The following ARK2N variants were observed in gnomAD, a reference collection of about 807,000 sequenced individuals.
The protein encoded by ARK2N is protein ARK2N.
chr18:46,215,991 G>A, the ARK2N span: 1 of 1,614,060 alleles, frequency 6.2e-7, no homozygotes, highest in Non-Finnish European at 8.5e-7. Context: ...CTGTAGAACT[G>A]GAATCTCAAG....
the ARK2N span, among the ~76,000 whole-genome samples, chr18:46,243,648 C>T: frequency 6.6e-6 from 1 of 152,174 alleles, no homozygotes; most frequent in East Asian, 1.9e-4. Flanking sequence ...CATTTCAATT[C>T]TTGCCATGTG....
the ARK2N span, among the ~76,000 whole-genome samples, chr18:46,189,533 C>G: frequency 2.0e-4 from 30 of 152,232 alleles, no homozygotes; most frequent in African/African-American, 7.2e-4. Flanking sequence ...TTCAAGTGAT[C>G]CTCTGCCTTA....
the ARK2N span, among the ~76,000 whole-genome samples, chr18:46,229,169 G>T: frequency 6.6e-6 from 1 of 151,628 alleles, no homozygotes; most frequent in Admixed American, 6.6e-5. Flanking sequence ...TTGATTTTCA[G>T]TTTTTGCAGA....
At chr18:46,242,190 CTCTGTTT>C in the ARK2N span, among the ~76,000 whole-genome samples, 522 of 152,208 alleles carry the variant, frequency 3.4e-3, 2 homozygotes, top group African/African-American at 0.011. Flanking sequence ...AGTTTTATTT[CTCTGTTT>C]TCTGAGTCTT....
At chr18:46,201,236 T>C in the ARK2N span, among the ~76,000 whole-genome samples, 115 of 152,164 alleles carry the variant, frequency 7.6e-4, 1 homozygote, top group African/African-American at 2.6e-3. Context: ...TTCCTTACCT[T>C]GGCCTCCCAA....
At chr18:46,202,967 GAAAC>G in the ARK2N span, among the ~76,000 whole-genome samples, 5 of 151,950 alleles carry the variant, frequency 3.3e-5, no homozygotes, top group African/African-American at 1.2e-4. Flanking sequence ...ATAAATGCCT[GAAAC>G]AAACAAAAAA....
At chr18:46,197,954 C>G in the ARK2N span, among the ~76,000 whole-genome samples, 16 of 151,992 alleles carry the variant, frequency 1.1e-4, no homozygotes. Flanking sequence ...TTCTTTTTAG[C>G]TGTGTGTAAT....
the ARK2N span, among the ~76,000 whole-genome samples, chr18:46,219,622 A>G: frequency 6.6e-6 from 1 of 152,000 alleles, no homozygotes; most frequent in Non-Finnish European, 1.5e-5. Context: ...GGCGTGTGCC[A>G]CCATGCCCAG....
chr18:46,213,779 C>T, the ARK2N span, among the ~76,000 whole-genome samples: 4 of 152,168 alleles, frequency 2.6e-5, no homozygotes, highest in Admixed American at 2.6e-4. Context: ...TCACTGCAAC[C>T]TCCGCCTCCC....
chr18:46,253,557 G>C, the ARK2N span: 2 of 1,008,246 alleles, frequency 2.0e-6, no homozygotes, highest in African/African-American at 1.6e-5. Context: ...TTATTTGACA[G>C]TTTTGCTGTG....
chr18:46,200,987 T>C, the ARK2N span, among the ~76,000 whole-genome samples: 7 of 136,950 alleles, frequency 5.1e-5, no homozygotes, highest in South Asian at 4.3e-4. Flanking sequence ...TTCTTTTTTT[T>C]TTTTTTTTTT....
At chr18:46,216,246 G>A in the ARK2N span, 13 of 1,613,884 alleles carry the variant, frequency 8.1e-6, no homozygotes, top group African/African-American at 8.0e-5. This position sits in a 1 kb window ranked among gnomAD's most constrained non-coding sequence, Gnocchi z 4.3. Flanking sequence ...AGGCAGAAAC[G>A]GCGGTAGAAG....
chr18:46,255,085 T>TG, the ARK2N span, among the ~76,000 whole-genome samples: 1 of 152,258 alleles, frequency 6.6e-6, no homozygotes, highest in Admixed American at 6.5e-5. Context: ...AAAACACATT[T>TG]GCCAGCATTT....
chr18:46,217,678 T>G, the ARK2N span: 1 of 152,206 alleles, frequency 6.6e-6, no homozygotes, highest in Non-Finnish European at 1.5e-5. Flanking sequence ...CAAGAATGAT[T>G]GGTTTTAAAG....
the ARK2N span, among the ~76,000 whole-genome samples, chr18:46,235,588 G>C: frequency 1.3e-5 from 2 of 152,348 alleles, no homozygotes; most frequent in African/African-American, 4.8e-5. Flanking sequence ...ATGTAGCTAA[G>C]AGAGAGTAGG....
At chr18:46,194,374 A>G in the ARK2N span, among the ~76,000 whole-genome samples, 1 of 151,816 alleles carries the variant, frequency 6.6e-6, no homozygotes, top group African/African-American at 2.4e-5. Context: ...GCCGAGGCGG[A>G]TGGATCACGA....
the ARK2N span, among the ~76,000 whole-genome samples, chr18:46,243,860 G>C: frequency 7.2e-5 from 11 of 152,250 alleles, no homozygotes; most frequent in African/African-American, 2.4e-4. Flanking sequence ...GTTTACTACG[G>C]AGGACAGCAC....
the ARK2N span, among the ~76,000 whole-genome samples, chr18:46,245,255 G>A: frequency 1.3e-5 from 2 of 151,944 alleles, no homozygotes; most frequent in African/African-American, 4.8e-5. Context: ...TTTTAAGGTT[G>A]TTTAACGTGC....
the ARK2N span, among the ~76,000 whole-genome samples, chr18:46,175,366 T>C: frequency 6.6e-6 from 1 of 152,302 alleles, no homozygotes; most frequent in African/African-American, 2.4e-5. Flanking sequence ...TAGGCTTTTA[T>C]TGTGTAGTAT....
Sources: allele counts gnomAD v4.1 joint callset (sites outside exome capture counted in the v4.1 genomes callset), GRCh38; gene constraint gnomAD v4.1.1; non-coding constraint Gnocchi (gnomAD v3.1); transcripts MANE v1.5; gene names NCBI Gene and HGNC (gene_info 2026-07-23, HGNC 2026-07-21).